NR3C2: variants seen among roughly 807,000 people sequenced by gnomAD.
NR3C2 encodes the protein mineralocorticoid receptor.
A neutral mutation model predicts 86.4 loss-of-function variants in NR3C2; 15 were observed. The observed-to-expected ratio is 0.17, with a 90% CI of 0.12 to 0.27. NR3C2 has a LOEUF of 0.27. NR3C2 is among the 10% of genes least tolerant of loss of function. NR3C2 has a pLI of 1.00. For synonymous variants in NR3C2, 458 were observed against 450.5 expected (o/e 1.02, Z -0.21); for missense variants, 960 against 1,195.6 (o/e 0.80, Z 2.91).
chr4:148,103,404 G>A (rs942402719), intron 8 of NR3C2, among the ~76,000 whole-genome samples: 28 of 152,268 alleles, frequency 1.8e-4, no homozygotes, highest in Admixed American at 5.2e-4. Flanking sequence ...AGGCTACCAC[G>A]TGTGCCTCCC....
chr4:148,368,596 G>GC (rs1456358437), intron 2 of NR3C2: 1 of 152,018 alleles, frequency 6.6e-6, no homozygotes, highest in East Asian at 1.9e-4. Context: ...CCTAGCTATT[G>GC]CATGCACAAT....
intron 4 of NR3C2, among the ~76,000 whole-genome samples, chr4:148,171,672 G>C (rs768377523): frequency 6.6e-6 from 1 of 152,216 alleles, no homozygotes; most frequent in Non-Finnish European, 1.5e-5. Flanking sequence ...CCTGCTGTGC[G>C]GCCCAGTTCC....
At chr4:148,202,456 G>A (rs1186986311) in intron 3 of NR3C2, among the ~76,000 whole-genome samples, 1 of 152,184 alleles carries the variant, frequency 6.6e-6, no homozygotes, top group African/African-American at 2.4e-5. Context: ...TCCAGTCTTG[G>A]GGAGGCCTGT....
chr4:148,401,461 C>CTTTTTTTTTTTTTTTTT (rs397881130), intron 2 of NR3C2, among the ~76,000 whole-genome samples: 1 of 116,908 alleles, frequency 8.6e-6, no homozygotes. Flanking sequence ...AAAGTTGTCT[C>CTTTTTTTTTTTTTTTTT]TTTTTTTTTT....
intron 7 of NR3C2, among the ~76,000 whole-genome samples, chr4:148,117,912 C>G (rs1279374526): frequency 2.0e-5 from 3 of 152,360 alleles, no homozygotes; most frequent in Admixed American, 2.0e-4. Context: ...CAGGTTGTCA[C>G]TAGGCACTCT....
At chr4:148,184,374 G>A (rs1025373096) in intron 4 of NR3C2, among the ~76,000 whole-genome samples, 14 of 151,620 alleles carry the variant, frequency 9.2e-5, no homozygotes, top group East Asian at 3.9e-4. Context: ...CAGGAGAATC[G>A]CTTGAACCCG....
chr4:148,366,553 A>G (rs1232709948), intron 2 of NR3C2, among the ~76,000 whole-genome samples: 1 of 6,452 alleles, frequency 1.5e-4, no homozygotes, highest in East Asian at 3.3e-3. Context: ...TCACTTATAA[A>G]TTTCAAGACA....
chr4:148,189,030 C>T (rs763615126), intron 4 of NR3C2, among the ~76,000 whole-genome samples: 2 of 149,998 alleles, frequency 1.3e-5, no homozygotes, highest in African/African-American at 2.5e-5. Context: ...TGGGTTCATG[C>T]GATTCTCCTG....
intron 2 of NR3C2, among the ~76,000 whole-genome samples, chr4:148,343,297 T>C (rs1018728803): frequency 1.3e-5 from 2 of 152,152 alleles, no homozygotes; most frequent in African/African-American, 2.4e-5. Flanking sequence ...TCTGTGCCAT[T>C]GAAAGAACTG....
chr4:148,186,057 T>C (rs1222944164), intron 4 of NR3C2, among the ~76,000 whole-genome samples: 1 of 152,134 alleles, frequency 6.6e-6, no homozygotes, highest in Non-Finnish European at 1.5e-5. Context: ...TCCATAGGGG[T>C]TGTACCAATT....
At chr4:148,090,504 G>T (rs773961565) in intron 8 of NR3C2, among the ~76,000 whole-genome samples, 6 of 152,222 alleles carry the variant, frequency 3.9e-5, no homozygotes, top group Non-Finnish European at 8.8e-5. Context: ...ACTAAGAAAA[G>T]GAACAAGTAA....
At chr4:148,125,648 A>G (rs896677927) in intron 6 of NR3C2, among the ~76,000 whole-genome samples, 2 of 152,124 alleles carry the variant, frequency 1.3e-5, no homozygotes, top group African/African-American at 4.8e-5. Flanking sequence ...GTTTAGTTCC[A>G]TCATTTTGAT....
chr4:148,376,092 A>G (rs1746662868), intron 2 of NR3C2, among the ~76,000 whole-genome samples: 1 of 151,660 alleles, frequency 6.6e-6, no homozygotes, highest in Non-Finnish European at 1.5e-5. Flanking sequence ...TTTAAGAATA[A>G]TAACGTTATT....
intron 4 of NR3C2, among the ~76,000 whole-genome samples, chr4:148,188,605 T>C (rs182455515): frequency 6.6e-6 from 1 of 152,318 alleles, no homozygotes; most frequent in East Asian, 1.9e-4. Context: ...GTTGCTGAAT[T>C]CTTTTATCAG....
At chr4:148,149,092 T>C (rs1025002108) in intron 6 of NR3C2, among the ~76,000 whole-genome samples, 1 of 152,192 alleles carries the variant, frequency 6.6e-6, no homozygotes, top group Non-Finnish European at 1.5e-5. Flanking sequence ...TTCCCCAGAA[T>C]AGTATCCACC....
intron 2 of NR3C2, among the ~76,000 whole-genome samples, chr4:148,371,067 G>A (rs764918888): frequency 1.3e-5 from 2 of 152,116 alleles, no homozygotes; most frequent in Non-Finnish European, 2.9e-5. Context: ...TAGGTATTTG[G>A]TAGGTATATA....
chr4:148,143,262 G>C (rs996026885), intron 6 of NR3C2, among the ~76,000 whole-genome samples: 1 of 152,190 alleles, frequency 6.6e-6, no homozygotes, highest in Non-Finnish European at 1.5e-5. Flanking sequence ...GGCCAATGTG[G>C]CTAACCAAGG....
intron 2 of NR3C2, among the ~76,000 whole-genome samples, chr4:148,362,559 C>T (rs116208287): frequency 0.064 from 9,677 of 152,146 alleles, 453 homozygotes; most frequent in Non-Finnish European, 0.094. Flanking sequence ...CATTCACTTA[C>T]GGAATTGTAC....
At chr4:148,241,371 T>C (rs1245433525) in intron 3 of NR3C2, among the ~76,000 whole-genome samples, 1 of 148,942 alleles carries the variant, frequency 6.7e-6, no homozygotes, top group Non-Finnish European at 1.5e-5. Flanking sequence ...TAATTGGCTT[T>C]GAGGCCCTAC....
Sources: gnomAD v4.1 joint callset for allele counts (sites outside exome capture counted in the v4.1 genomes callset) on GRCh38, gnomAD v4.1.1 for gene constraint, MANE v1.5 for transcripts, NCBI Gene and HGNC (gene_info 2026-07-23, HGNC 2026-07-21) for gene names.